Variants in CERCAM observed in about 807,000 individuals in gnomAD.
CERCAM encodes inactive glycosyltransferase 25 family member 3.
Under a neutral mutation model 66.0 loss-of-function variants are expected in CERCAM, and 59 were observed. The observed-to-expected ratio is 0.89, with a 90% CI of 0.73 to 1.11. The LOEUF (loss-of-function observed/expected upper bound fraction) is 1.11. CERCAM is among the 50% of genes most tolerant of loss of function. The probability of loss-of-function intolerance (pLI) is 0.00; values close to 1 mark genes in which losing one functional copy is unlikely to be tolerated. For synonymous variants in CERCAM, 318 were observed against 343.6 expected (o/e 0.93, Z 0.83); for missense variants, 840 against 828.3 (o/e 1.01, Z -0.17).
intron 3 of CERCAM, among the ~76,000 whole-genome samples, chr9:128,423,619 A>C (rs1337810166): frequency 6.8e-6 from 1 of 147,230 alleles, no homozygotes; most frequent in Non-Finnish European, 1.5e-5. Flanking sequence ...CTCAGTCTCA[A>C]AAAAAAAAAA....
intron 5 of CERCAM, among the ~76,000 whole-genome samples, chr9:128,427,266 C>T (rs540863515): frequency 1.3e-5 from 2 of 152,030 alleles, no homozygotes; most frequent in African/African-American, 4.8e-5. Flanking sequence ...GCGGCCACCA[C>T]CACAGCCGGT....
Position 128,434,553 on chromosome 9 carries a change from C to G in CERCAM, c.1475C>G (p.Pro492Arg). The G allele has an allele frequency of 4.3e-6, 7 of 1,612,100 alleles. No individual in the cohort carries two copies. The highest frequency in any genetic ancestry group is 5.1e-6 in the Non-Finnish European group (6 of 1,179,946). ...AGARKLLASQ[P>R]LRRMLPVDEF... ...GCCCGCAAGCTGCTGGCCTCACAGC[C>G]TCTGCGCCGCATGCTGCCCGTGGAC... Residue 492 changes from proline (P) to arginine (R), a missense_variant, in exon 11 of 13, where the codon CCT (proline) becomes CGT (arginine). Physicochemically the swap from Pro to Arg is moderately radical, Grantham distance 103 (BLOSUM62 -2). Coordinates refer to ENST00000372838, the MANE Select transcript of CERCAM (RefSeq NM_016174.5). This position sits in a 1 kb window ranked among gnomAD's most constrained non-coding sequence, Gnocchi z 4.5.
At position 128,434,763 on chromosome 9, in the gene CERCAM, T is replaced by C. The variant is rs927750904; in HGVS notation, c.1535+150T>C. On this transcript the variant is annotated intron_variant, in intron 11 of 12. Transcript: ENST00000372838. This position sits in a 1 kb window ranked among gnomAD's most constrained non-coding sequence, Gnocchi z 4.5. ...TTGGCCCAGGTCACCAAGGAGTGGC[T>C]CAGCCTAGCCTTAGAGTCAGTCCAT... 4.2e-6 allele frequency: 3 copies of C among 710,134 alleles called. No individual in the cohort carries two copies. The highest frequency in any genetic ancestry group is 3.6e-5 in the African/African-American group (2 of 56,090). 44.0% of individuals were successfully genotyped at this position (710,134 alleles called of 1,614,324 possible). A position where few individuals can be genotyped will look rare whatever the true frequency, so the allele number is the denominator to read the frequency against.
intron 11 of CERCAM, among the ~76,000 whole-genome samples, chr9:128,435,216 G>A (rs1834079541): frequency 2.0e-5 from 3 of 151,954 alleles, no homozygotes; most frequent in Non-Finnish European, 4.4e-5. Flanking sequence ...GGCTGGTGTC[G>A]AACTCCTTGA....
intron 2 of CERCAM, 24 bp downstream of exon 2, chr9:128,423,002 C>T: frequency 6.2e-7 from 1 of 1,613,252 alleles, no homozygotes; most frequent in Non-Finnish European, 8.5e-7. Flanking sequence ...GGGAAGGGTG[C>T]TGGGGAAGAT....
At position 128,435,838 on chromosome 9, in the gene CERCAM, G is replaced by GC. The variant is rs1834099436; in HGVS notation, c.1726dup (p.Arg576ProfsTer19). 6.2e-7 allele frequency: 1 copy of GC among 1,609,308 alleles called. No individual in the cohort carries two copies. The highest frequency in any genetic ancestry group is 1.1e-5 in the South Asian group (1 of 90,498). Reference sequence around the variant, plus strand: ...AGCGGCTCCCAAAAGACCCTGCGCAGCCCCCGCCTGGACCTGACTGGCAGC... The same window carrying GC: ...AGCGGCTCCCAAAAGACCCTGCGCAGCCCCCCGCCTGGACCTGACTGGCAGC... On this transcript the variant is annotated frameshift_variant, in exon 12 of 13. Transcript: ENST00000372838. LOFTEE classifies it high-confidence loss of function.
intron 5 of CERCAM, among the ~76,000 whole-genome samples, chr9:128,426,635 T>C (rs1234948162): frequency 6.9e-6 from 1 of 145,760 alleles, no homozygotes; most frequent in Non-Finnish European, 1.5e-5. Flanking sequence ...AAAAAAAAAA[T>C]CCAGTCCTGA....
Position 128,431,152 on chromosome 9 carries a change from C to T in CERCAM, c.1071-19C>T, listed in dbSNP as rs1244675663. 6.2e-7 allele frequency: 1 copy of T among 1,612,418 alleles called. No individual in the cohort carries two copies. The highest frequency in any genetic ancestry group is 1.3e-5 in the African/African-American group (1 of 75,052). ...TCTCTGGCAGGCACCCCTCACCCCG[C>T]CACACCTGTGTCCCTCAGGATGCTC... On this transcript the variant is annotated intron_variant, in intron 8 of 12. Transcript: ENST00000372838.
chr9:128,434,174 C>T lies in CERCAM; in HGVS notation c.1276C>T (p.Arg426Trp), dbSNP rs374673314. The T allele has an allele frequency of 3.7e-5, 59 of 1,613,994 alleles. No homozygotes were observed. Among genetic ancestry groups the T allele is most frequent in the Non-Finnish European group, 4.3e-5 (51 of 1,180,022 alleles). Reference protein sequence around the residue: ...DVRFESNFRGRLERLMEDVEA... With the variant: ...DVRFESNFRGWLERLMEDVEA... ...GCGCTTTGAGAGCAACTTCAGGGGG[C>T]GGCTGGAGCGGCTGATGGAGGATGT... The change falls in exon 10 of 13, where the codon CGG (arginine) becomes TGG (tryptophan). Residue 426 changes from arginine (R) to tryptophan (W), a missense_variant. Physicochemically the swap from Arg to Trp is moderately radical, Grantham distance 101 (BLOSUM62 -3). Transcript: ENST00000372838. The surrounding 1 kb of genome is among the most constrained non-coding windows in gnomAD (Gnocchi z 4.5).
At position 128,428,740 on chromosome 9, in the gene CERCAM, T is replaced by G. The variant is rs1210701992; in HGVS notation, c.887-17T>G. ...AGTCAGTAGGGACTCGTGCTTGGGGTGTGCTTCCCTTTGCAGTGGACGGCC... is the reference window on the plus strand; with the variant it reads ...AGTCAGTAGGGACTCGTGCTTGGGGGGTGCTTCCCTTTGCAGTGGACGGCC... On this transcript the variant is annotated splice_polypyrimidine_tract_variant and intron_variant, in intron 6 of 12. Transcript: ENST00000372838. 3 of 1,613,380 alleles carry G rather than the reference T, an allele frequency of 1.9e-6. No homozygotes were observed. The highest frequency in any genetic ancestry group is 2.5e-6 in the Non-Finnish European group (3 of 1,179,782).
intron 5 of CERCAM, among the ~76,000 whole-genome samples, chr9:128,426,201 G>A (rs575278333): frequency 2.5e-4 from 38 of 152,190 alleles, no homozygotes; most frequent in Non-Finnish European, 4.3e-4. Context: ...CAGGAGGATC[G>A]CTTGAGCCCA....
At chr9:128,427,365 G>C (rs1376406843) in intron 5 of CERCAM, among the ~76,000 whole-genome samples, 4 of 152,040 alleles carry the variant, frequency 2.6e-5, no homozygotes, top group Non-Finnish European at 5.9e-5. Flanking sequence ...TGCCTGCCTG[G>C]GCTTCCCAAA....
intron 5 of CERCAM, 90 bp downstream of exon 5, chr9:128,424,704 T>C: frequency 8.4e-7 from 1 of 1,183,550 alleles, no homozygotes; most frequent in Non-Finnish European, 1.2e-6. Context: ...TTCCCTACTC[T>C]GCATTTCATC....
chr9:128,424,405 C>G lies in CERCAM; in HGVS notation c.562-5C>G, dbSNP rs764721568. 3.7e-6 allele frequency: 6 copies of G among 1,613,846 alleles called. No homozygotes were observed. The African/African-American group carries it at 8.0e-5, about 22-fold the overall frequency. On this transcript the variant is annotated splice_region_variant and splice_polypyrimidine_tract_variant and intron_variant, in intron 4 of 12. Transcript: ENST00000372838. Reference sequence around the variant, plus strand: ...CTCACAGCCCAAAGCATCCCTTTTCCCCAGGGCTACTACCGCCGCACAGCC... The same window carrying G: ...CTCACAGCCCAAAGCATCCCTTTTCGCCAGGGCTACTACCGCCGCACAGCC...
At position 128,421,059 on chromosome 9, in the gene CERCAM, C is replaced by G; in HGVS notation, c.182C>G (p.Ala61Gly). The change falls in exon 1 of 13, where the codon GCC becomes GGC. Residue 61 changes from alanine to glycine, a missense_variant. Coordinates refer to ENST00000372838, the MANE Select transcript of CERCAM (RefSeq NM_016174.5). ...GALERLDYPR[A>G]RMALWCATDH... ...CTGGAGCGGCTGGACTACCCCCGGG[C>G]CAGGATGGCCCTCTGGTGAGAGACC... The G allele has an allele frequency of 7.5e-7, 1 of 1,338,876 alleles. No homozygotes were observed. 82.9% of individuals were successfully genotyped at this position (1,338,876 alleles called of 1,614,324 possible).
At chr9:128,429,860 C>T (rs554309050) in intron 8 of CERCAM, among the ~76,000 whole-genome samples, 1 of 151,896 alleles carries the variant, frequency 6.6e-6, no homozygotes, top group Non-Finnish European at 1.5e-5. Flanking sequence ...GCAATCTTGG[C>T]TCACTGCAAC....
upstream of CERCAM, chr9:128,420,774 C>G (rs1454401911): frequency 1.7e-5 from 6 of 350,386 alleles, no homozygotes; most frequent in Non-Finnish European, 2.8e-5. The surrounding 1 kb of genome is among the most constrained non-coding windows in gnomAD (Gnocchi z 5.0). Flanking sequence ...ACTGCCCCGC[C>G]CTCTCCGGGT....
At chr9:128,430,539 G>A (rs187043247) in intron 8 of CERCAM, among the ~76,000 whole-genome samples, 20 of 151,100 alleles carry the variant, frequency 1.3e-4, no homozygotes, top group African/African-American at 2.9e-4. Flanking sequence ...CACATCCCCC[G>A]AGGTCTCTTG....
chr9:128,422,598 T>C (rs28645451), intron 1 of CERCAM: 92,238 of 404,298 alleles, frequency 0.23, 12,491 homozygotes, highest in African/African-American at 0.43. Flanking sequence ...CTCTTATCTT[T>C]GTCCATGACA....
Sources: allele counts gnomAD v4.1 joint callset (sites outside exome capture counted in the v4.1 genomes callset), GRCh38; gene constraint gnomAD v4.1.1; non-coding constraint Gnocchi (gnomAD v3.1); transcripts MANE v1.5; gene names NCBI Gene and HGNC (gene_info 2026-07-23, HGNC 2026-07-21).